DOK6: variants seen among roughly 807,000 people sequenced by gnomAD.
DOK6 encodes the protein downstream of tyrosine kinase 6.
A neutral mutation model predicts 44.0 loss-of-function variants in DOK6; 22 were observed. That is an observed-to-expected ratio of 0.50 (90% CI 0.36 to 0.71). The LOEUF is 0.71. DOK6 is among the 30% of genes least tolerant of loss of function. The pLI, the probability that DOK6 is intolerant of heterozygous loss-of-function variation, is 0.00. For synonymous variants in DOK6, 166 were observed against 145.5 expected (o/e 1.14, Z -1.01); for missense variants, 340 against 416.4 (o/e 0.82, Z 1.60).
chr18:69,747,561 CAA>C (rs1472903931), intron 6 of DOK6, among the ~76,000 whole-genome samples: 48 of 151,680 alleles, frequency 3.2e-4, no homozygotes, highest in Non-Finnish European at 5.9e-5. Context: ...GTCCACATTG[CAA>C]TATATTAGGG....
chr18:69,791,372 A>G (rs1980591655), intron 7 of DOK6, among the ~76,000 whole-genome samples: 1 of 152,138 alleles, frequency 6.6e-6, no homozygotes, highest in African/African-American at 2.4e-5. Context: ...TCCCACCAAC[A>G]GTGTGTGAGG....
At chr18:69,674,270 T>C (rs1599256506) in intron 3 of DOK6, among the ~76,000 whole-genome samples, 2 of 152,358 alleles carry the variant, frequency 1.3e-5, no homozygotes, top group South Asian at 4.1e-4. Flanking sequence ...ATTCAGCTTA[T>C]GTGCAGCAAA....
At chr18:69,497,223 C>G (rs1980915991) in intron 1 of DOK6, among the ~76,000 whole-genome samples, 1 of 152,128 alleles carries the variant, frequency 6.6e-6, no homozygotes, top group Non-Finnish European at 1.5e-5. Flanking sequence ...TTCTAAACAG[C>G]ATTTGTCTGA....
chr18:69,477,050 A>C (rs1390526247), intron 1 of DOK6, among the ~76,000 whole-genome samples: 1 of 152,230 alleles, frequency 6.6e-6, no homozygotes, highest in Non-Finnish European at 1.5e-5. Flanking sequence ...ATTTATTTAT[A>C]AAATATGCTA....
At position 69,401,316 on chromosome 18, in the gene DOK6, T is replaced by TG. The variant is rs1179978821; in HGVS notation, c.66+8dup. The TG allele has an allele frequency of 6.5e-7, 1 of 1,531,910 alleles. No homozygotes were observed. The highest frequency in any genetic ancestry group is 1.2e-5 in the South Asian group (1 of 81,458). The allele number at this position is 1,531,910 out of a possible 1,614,324, so 94.9% of individuals were successfully genotyped here. A position where few individuals can be genotyped will look rare whatever the true frequency, so the allele number is the denominator to read the frequency against. ...TCCGCAGCAGGAAGCTTGGGGTGAG[T>TG]GGCTCGCTCGGCTTGCTCCTTCCCC... On this transcript the variant is annotated splice_region_variant and intron_variant, in intron 1 of 7. Coordinates refer to ENST00000382713, the MANE Select transcript of DOK6 (RefSeq NM_152721.6).
At chr18:69,548,927 A>G (rs1364456713) in intron 1 of DOK6, among the ~76,000 whole-genome samples, 1 of 151,190 alleles carries the variant, frequency 6.6e-6, no homozygotes, top group Non-Finnish European at 1.5e-5. Context: ...CCCCGTCTCT[A>G]CTAAAAATAC....
intron 6 of DOK6, among the ~76,000 whole-genome samples, chr18:69,741,550 T>C (rs887646062): frequency 6.6e-6 from 1 of 152,036 alleles, no homozygotes; most frequent in African/African-American, 2.4e-5. Flanking sequence ...CGGGCCAGAG[T>C]GTAATGATGT....
intron 1 of DOK6, among the ~76,000 whole-genome samples, chr18:69,449,995 C>G (rs1979414302): frequency 1.7e-5 from 2 of 118,392 alleles, no homozygotes; most frequent in African/African-American, 3.4e-5. Context: ...CTCTAAAACA[C>G]AGAGCGCCTC....
At chr18:69,757,514 T>C (rs2144754222) in intron 6 of DOK6, among the ~76,000 whole-genome samples, 1 of 152,336 alleles carries the variant, frequency 6.6e-6, no homozygotes. Flanking sequence ...CTACAAGTCA[T>C]TGGAATCATT....
intron 7 of DOK6, among the ~76,000 whole-genome samples, chr18:69,783,884 A>G (rs1980351598): frequency 6.6e-6 from 1 of 152,176 alleles, no homozygotes; most frequent in Non-Finnish European, 1.5e-5. Context: ...AATGTTCCGC[A>G]AGTGATATTT....
intron 1 of DOK6, among the ~76,000 whole-genome samples, chr18:69,489,945 CT>C (rs1442195006): frequency 6.6e-6 from 1 of 151,472 alleles, no homozygotes; most frequent in Non-Finnish European, 1.5e-5. Flanking sequence ...AAAAAAAACC[CT>C]ATCTTTACAT....
chr18:69,719,567 C>G (rs1306359082), intron 5 of DOK6, among the ~76,000 whole-genome samples: 1 of 152,212 alleles, frequency 6.6e-6, no homozygotes, highest in East Asian at 1.9e-4. Context: ...ATGCCTGCAT[C>G]TTAGCAGATT....
intron 1 of DOK6, among the ~76,000 whole-genome samples, chr18:69,420,504 A>T (rs1457569236): frequency 1.3e-5 from 2 of 151,864 alleles, no homozygotes; most frequent in Non-Finnish European, 2.9e-5. Context: ...TTATTTTTTT[A>T]ATTATACTTT....
chr18:69,503,696 T>C (rs1453576056), intron 1 of DOK6, among the ~76,000 whole-genome samples: 1 of 152,026 alleles, frequency 6.6e-6, no homozygotes, highest in Non-Finnish European at 1.5e-5. Context: ...ATCCTCATCC[T>C]GATATAAACT....
intron 4 of DOK6, among the ~76,000 whole-genome samples, chr18:69,688,030 T>C (rs1027606181): frequency 6.6e-5 from 10 of 152,108 alleles, no homozygotes; most frequent in African/African-American, 2.2e-4. Context: ...TTTTTAAATA[T>C]ATACTTCTAT....
intron 2 of DOK6, among the ~76,000 whole-genome samples, chr18:69,596,165 G>C (rs920489815): frequency 2.0e-5 from 3 of 152,138 alleles, no homozygotes; most frequent in Admixed American, 2.0e-4. Context: ...TCTGGATTTA[G>C]AACCAATGTA....
At chr18:69,753,012 T>C (rs78677879) in intron 6 of DOK6, among the ~76,000 whole-genome samples, 1,711 of 152,270 alleles carry the variant, frequency 0.011, 28 homozygotes, top group African/African-American at 0.039. Context: ...GGAGGCTGTT[T>C]GCTGTACAAA....
At chr18:69,840,395 G>A (rs538735067) in intron 7 of DOK6, among the ~76,000 whole-genome samples, 8 of 152,326 alleles carry the variant, frequency 5.3e-5, no homozygotes, top group Middle Eastern at 3.4e-3. Context: ...GCTTAAAAAG[G>A]ATGAGGGGGA....
chr18:69,751,842 A>T (rs1021385608), intron 6 of DOK6, among the ~76,000 whole-genome samples: 9 of 151,606 alleles, frequency 5.9e-5, no homozygotes, highest in Non-Finnish European at 1.2e-4. Context: ...CGTCTCTACA[A>T]AAAGGAAAAA....
Sources: allele counts gnomAD v4.1 joint callset (sites outside exome capture counted in the v4.1 genomes callset), GRCh38; gene constraint gnomAD v4.1.1; transcripts MANE v1.5; gene names NCBI Gene and HGNC (gene_info 2026-07-23, HGNC 2026-07-21).